The following ADAMTS2 variants were observed in gnomAD, a reference collection of about 807,000 sequenced individuals.
ADAMTS2 encodes A disintegrin and metalloproteinase with thrombospondin motifs 2.
Under a neutral mutation model 123.0 loss-of-function variants are expected in ADAMTS2, and 50 were observed. The observed-to-expected ratio is 0.41, with a 90% CI of 0.32 to 0.51. The LOEUF is 0.51. Ranked by LOEUF, ADAMTS2 falls within the 20% of genes least tolerant of loss-of-function variation. ADAMTS2 has a pLI of 0.35. For synonymous variants in ADAMTS2, 678 were observed against 695.4 expected (o/e 0.98, Z 0.39); for missense variants, 1,494 against 1,705.2 (o/e 0.88, Z 2.18).
rs186660288 is a variant in ADAMTS2 at position 179,118,895 on chromosome 5, T to C, written c.3178+2766A>G. ...CCGCTCAGTGCAGTGCAGCCCCAGC[T>C]ATGTTTATGCACCACCGAATCACCT... On this transcript the variant is annotated intron_variant, in intron 21 of 21. Transcript: ENST00000251582. This position sits in a 1 kb window ranked among gnomAD's most constrained non-coding sequence, Gnocchi z 4.5. Among the ~76,000 whole-genome samples the C allele has an allele frequency of 6.6e-6, 1 of 152,332 alleles. No individual in the cohort carries two copies. Among genetic ancestry groups the C allele is most frequent in the African/African-American group, 2.4e-5 (1 of 41,576 alleles).
chr5:179,207,996 C>T (rs1301153399), intron 3 of ADAMTS2, among the ~76,000 whole-genome samples: 2 of 152,102 alleles, frequency 1.3e-5, no homozygotes, highest in Admixed American at 1.3e-4. Flanking sequence ...GCCACAGTGG[C>T]CTCCACACGA....
chr5:179,327,437 T>G (rs1021289509), intron 2 of ADAMTS2, among the ~76,000 whole-genome samples: 2 of 152,134 alleles, frequency 1.3e-5, no homozygotes, highest in African/African-American at 4.8e-5. Flanking sequence ...GCAGTTTTCC[T>G]GCCAGCCTGC....
chr5:179,173,832 T>G (rs1005914739), intron 5 of ADAMTS2, among the ~76,000 whole-genome samples: 2 of 152,112 alleles, frequency 1.3e-5, no homozygotes, highest in Non-Finnish European at 2.9e-5. Context: ...GCCAACCTGG[T>G]GAAACCCCAT....
chr5:179,198,146 G>A (rs1316723848), intron 4 of ADAMTS2, among the ~76,000 whole-genome samples: 3 of 152,136 alleles, frequency 2.0e-5, no homozygotes, highest in South Asian at 2.1e-4. Flanking sequence ...CCTCGGGGGC[G>A]GGGGGCGGGC....
intron 3 of ADAMTS2, among the ~76,000 whole-genome samples, chr5:179,212,481 G>T: frequency 6.8e-6 from 1 of 148,044 alleles, no homozygotes; most frequent in East Asian, 2.0e-4. Flanking sequence ...GGGCCCTGAG[G>T]GCGGGTGCAG....
chr5:179,154,934 G>A lies in ADAMTS2; in HGVS notation c.1133-15C>T, dbSNP rs1291836492. ...AGGAGCATAGCCTGGGAGGAGACAA[G>A]AGGCGGCTCCAGATGCTGCCATAGC... On this transcript the variant is annotated splice_polypyrimidine_tract_variant and intron_variant, in intron 6 of 21. Transcript: ENST00000251582. 6.2e-7 allele frequency: 1 copy of A among 1,609,096 alleles called. No individual in the cohort carries two copies. Among genetic ancestry groups the A allele is most frequent in the East Asian group, 2.2e-5 (1 of 44,788 alleles).
chr5:179,309,664 A>G (rs1756771483), intron 2 of ADAMTS2, among the ~76,000 whole-genome samples: 1 of 148,840 alleles, frequency 6.7e-6, no homozygotes, highest in East Asian at 2.1e-4. Context: ...AGGCTAAGGC[A>G]GGAGAATCGC....
At chr5:179,167,948 C>T (rs1439740351) in intron 5 of ADAMTS2, among the ~76,000 whole-genome samples, 1 of 152,196 alleles carries the variant, frequency 6.6e-6, no homozygotes, top group Non-Finnish European at 1.5e-5. Flanking sequence ...GGGGCTGGCT[C>T]ATGCCCCCAA....
In ADAMTS2 at chr5:179,114,287, C is replaced by T. The variant is rs1233299160; in HGVS notation, c.3216G>A (p.Arg1072=). The change falls in exon 22 of 22, where the codon AGG becomes AGA. Residue 1072 remains arginine, a synonymous_variant. Transcript: ENST00000251582. ...AGCAATAGCGGGACAAGACTTCCAT[C>T]CTACAGAATATTGACTTGTCGCCTT... ...HCQGDKSIFC[R]MEVLSRYCSI... 6.2e-7 allele frequency: 1 copy of T among 1,614,142 alleles called. No individual in the cohort carries two copies. The highest frequency in any genetic ancestry group is 8.5e-7 in the Non-Finnish European group (1 of 1,180,028).
intron 10 of ADAMTS2, among the ~76,000 whole-genome samples, chr5:179,150,570 G>A (rs1051161443): frequency 5.3e-5 from 8 of 152,214 alleles, no homozygotes; most frequent in East Asian, 3.9e-4. Context: ...ACACCCACAC[G>A]ACGGGAGGTT....
At chr5:179,288,221 C>T (rs1756083869) in intron 2 of ADAMTS2, among the ~76,000 whole-genome samples, 1 of 152,202 alleles carries the variant, frequency 6.6e-6, no homozygotes, top group Non-Finnish European at 1.5e-5. Context: ...TTGAATTGGG[C>T]TTCTTTTCCT....
intron 2 of ADAMTS2, among the ~76,000 whole-genome samples, chr5:179,311,165 G>A (rs553083271): frequency 2.6e-5 from 4 of 152,182 alleles, no homozygotes; most frequent in South Asian, 2.1e-4. Context: ...CTCTGAGGCC[G>A]AGCCTCCCCC....
intron 2 of ADAMTS2, among the ~76,000 whole-genome samples, chr5:179,292,338 C>CCG (rs201210440): frequency 2.7e-5 from 4 of 149,102 alleles, no homozygotes; most frequent in Non-Finnish European, 4.4e-5. Flanking sequence ...TTGCTATTAC[C>CCG]CCCCAGCTGT....
chr5:179,222,815 C>T (rs1315002866), intron 3 of ADAMTS2, among the ~76,000 whole-genome samples: 1 of 152,212 alleles, frequency 6.6e-6, no homozygotes, highest in Non-Finnish European at 1.5e-5. Flanking sequence ...TCCTGCCAAG[C>T]CCTGAGAGGG....
At chr5:179,240,804 T>C (rs780254888) in intron 3 of ADAMTS2, among the ~76,000 whole-genome samples, 1 of 152,128 alleles carries the variant, frequency 6.6e-6, no homozygotes, top group Admixed American at 6.5e-5. Context: ...GCGATGCCAA[T>C]AGACACACTG....
chr5:179,324,973 A>G (rs1296486515), intron 2 of ADAMTS2, among the ~76,000 whole-genome samples: 1 of 152,170 alleles, frequency 6.6e-6, no homozygotes, highest in Non-Finnish European at 1.5e-5. Flanking sequence ...ATGAGGCCCA[A>G]GGAGTCTCAG....
intron 3 of ADAMTS2, among the ~76,000 whole-genome samples, chr5:179,271,322 C>T (rs1766525391): frequency 6.6e-6 from 1 of 152,186 alleles, no homozygotes; most frequent in Non-Finnish European, 1.5e-5. Flanking sequence ...CAGCTCACCT[C>T]GCCTGAGCAG....
rs1284542152 is a variant in ADAMTS2, at chr5:179,180,717, C to T, written c.975+355G>A. 6.6e-6 allele frequency among the ~76,000 whole-genome samples: 1 copy of T among 152,148 alleles called. No homozygotes were observed. The highest frequency in any genetic ancestry group is 1.5e-5 in the Non-Finnish European group (1 of 68,030). On this transcript the variant is annotated intron_variant, in intron 5 of 21. Transcript: ENST00000251582. The surrounding 1 kb of genome is among the most constrained non-coding windows in gnomAD (Gnocchi z 4.6). ...AACCTTAAGCCAGCTCACCCTGTCCCCATCGGTCCTTCCTGCAGAAACAAC... is the reference window on the plus strand; with the variant it reads ...AACCTTAAGCCAGCTCACCCTGTCCTCATCGGTCCTTCCTGCAGAAACAAC...
At position 179,345,258 on chromosome 5, in the gene ADAMTS2, G is replaced by GGCAGCAGCGGCA. The variant is rs2127463894; in HGVS notation, c.70_71insTGCCGCTGCTGC (p.Leu23_Pro24insLeuProLeuLeu). On this transcript the variant is annotated inframe_insertion, in exon 1 of 22. Transcript: ENST00000251582. The surrounding 1 kb of genome is among the most constrained non-coding windows in gnomAD (Gnocchi z 7.5). Reference sequence around the variant, plus strand: ...CGGCGGCGGCGGCAGGAGCGGCGGCGGCAGCAGCAGCAGCAGCAGCAGCAG... The same window carrying GGCAGCAGCGGCA: ...CGGCGGCGGCGGCAGGAGCGGCGGCGGCAGCAGCGGCAGCAGCAGCAGCAGCAGCAGCAGCAG... 1 of 1,136,326 alleles carries GGCAGCAGCGGCA rather than the reference G, an allele frequency of 8.8e-7. No individual in the cohort carries two copies. The highest frequency in any genetic ancestry group is 1.1e-6 in the Non-Finnish European group (1 of 932,210). 70.4% of individuals were successfully genotyped at this position (1,136,326 alleles called of 1,614,324 possible).
Sources: allele counts gnomAD v4.1 joint callset (sites outside exome capture counted in the v4.1 genomes callset), GRCh38; gene constraint gnomAD v4.1.1; non-coding constraint Gnocchi (gnomAD v3.1); transcripts MANE v1.5; gene names NCBI Gene and HGNC (gene_info 2026-07-23, HGNC 2026-07-21).